The following ABLIM1 variants were observed in gnomAD, a reference collection of about 807,000 sequenced individuals.
ABLIM1 encodes actin-binding LIM protein 1.
Under a neutral mutation model 107.0 loss-of-function variants are expected in ABLIM1, and 40 were observed. The ratio of observed to expected loss-of-function variants is 0.37; its 90% CI spans 0.29 to 0.49. The LOEUF (loss-of-function observed/expected upper bound fraction) is 0.49. Ranked by LOEUF, ABLIM1 falls within the 20% of genes least tolerant of loss-of-function variation. The pLI, the probability that ABLIM1 is intolerant of heterozygous loss-of-function variation, is 0.97. For missense variants in ABLIM1, 857 were observed against 1,008.5 expected (o/e 0.85, Z 2.04); for synonymous variants, 357 against 357.3 (o/e 1.00, Z 0.01).
chr10:114,542,531 G>A (rs1164819735), intron 6 of ABLIM1, among the ~76,000 whole-genome samples: 1 of 151,504 alleles, frequency 6.6e-6, no homozygotes, highest in Non-Finnish European at 1.5e-5. Context: ...AAGAAAGGAA[G>A]AAGGAGGAGG....
intron 4 of ABLIM1, among the ~76,000 whole-genome samples, chr10:114,553,384 C>T (rs144356807): frequency 0.011 from 1,709 of 152,264 alleles, 17 homozygotes; most frequent in South Asian, 0.029. Context: ...CTAAAACCTC[C>T]GAGGTGAGAA....
chr10:114,568,500 G>A (rs1172326238), intron 4 of ABLIM1, among the ~76,000 whole-genome samples: 1 of 152,182 alleles, frequency 6.6e-6, no homozygotes. Context: ...GCAAACAAGT[G>A]TTTTCTAATT....
chr10:114,439,326 A>G (rs2059874928), intron 20 of ABLIM1, 76 bp from the exon 21 acceptor site: 1 of 1,458,710 alleles, frequency 6.9e-7, no homozygotes, highest in Non-Finnish European at 9.6e-7. Flanking sequence ...TGGGCTCCCA[A>G]TTCCCTGTTG....
rs140256636 is a variant in ABLIM1, at chr10:114,490,974, A to ATGTGTGTGTGTGTGTG, written c.982+801_982+816dup. Among the ~76,000 whole-genome samples the ATGTGTGTGTGTGTGTG allele has an allele frequency of 2.0e-4, 20 of 99,228 alleles. 1 individual carries two copies. Among genetic ancestry groups the ATGTGTGTGTGTGTGTG allele is most frequent in the African/African-American group, 5.1e-4 (13 of 25,444 alleles). 65.1% of individuals were successfully genotyped at this position (99,228 alleles called of 152,430 possible). On this transcript the variant is annotated intron_variant, in intron 7 of 22. Coordinates refer to ENST00000533213, the MANE Select transcript of ABLIM1 (RefSeq NM_002313.7). ...GTGAGCCACCACGCCCGGCATATAT[A>ATGTGTGTGTGTGTGTG]TGTGTGTGTGTGTGTGTGTGTGTGT...
At chr10:114,536,487 A>T (rs1368872824) in intron 6 of ABLIM1, among the ~76,000 whole-genome samples, 3 of 151,784 alleles carry the variant, frequency 2.0e-5, no homozygotes, top group African/African-American at 7.3e-5. Flanking sequence ...ACCTCAGGTG[A>T]TCTGCCCACC....
rs145500850 is a variant in ABLIM1, at chr10:114,761,856, G to A, written c.-213+6205C>T. Among the ~76,000 whole-genome samples, 57 of 152,186 alleles carry A rather than the reference G, an allele frequency of 3.7e-4. 1 individual carries two copies. Among genetic ancestry groups the A allele is most frequent in the South Asian group, 1.2e-3 (6 of 4,820 alleles). On this transcript the variant is annotated intron_variant, in intron 1 of 15. Coordinates refer to the ABLIM1 transcript ENST00000651092. Reference sequence around the variant, plus strand: ...ATCCTATTCTTTTTTACCTGGCTAAGTCCAACTCATTCTTCAAGAAAACAA... The same window carrying A: ...ATCCTATTCTTTTTTACCTGGCTAAATCCAACTCATTCTTCAAGAAAACAA...
chr10:114,747,771 G>T (rs1436792613), intron 1 of ABLIM1, among the ~76,000 whole-genome samples: 9 of 152,214 alleles, frequency 5.9e-5, no homozygotes. Context: ...TGGGCACGAT[G>T]GCTCACGCCT....
chr10:114,598,361 C>T (rs536787167), intron 2 of ABLIM1, among the ~76,000 whole-genome samples: 2 of 149,440 alleles, frequency 1.3e-5, no homozygotes, highest in South Asian at 4.2e-4. Context: ...CCAAGGCAGG[C>T]GGATCACAAG....
chr10:114,483,669 A>G (rs1310361200), intron 8 of ABLIM1, among the ~76,000 whole-genome samples: 1 of 152,160 alleles, frequency 6.6e-6, no homozygotes, highest in African/African-American at 2.4e-5. Flanking sequence ...TGTCTTTTCC[A>G]TCGTGCAAAG....
chr10:114,783,317 TAA>T, the ABLIM1 span, among the ~76,000 whole-genome samples: 1 of 151,252 alleles, frequency 6.6e-6, no homozygotes, highest in African/African-American at 2.4e-5. Flanking sequence ...CTAAAAAAAA[TAA>T]AAGAGAGAGA....
chr10:114,437,321 CTTTT>C (rs1314987276), intron 22 of ABLIM1, among the ~76,000 whole-genome samples: 2 of 134,574 alleles, frequency 1.5e-5, no homozygotes, highest in Admixed American at 7.4e-5. Flanking sequence ...TTCTTTCTTT[CTTTT>C]TTTTTTTTTT....
At chr10:114,716,305 C>T (rs1431015460) in intron 1 of ABLIM1, among the ~76,000 whole-genome samples, 1 of 152,086 alleles carries the variant, frequency 6.6e-6, no homozygotes, top group Non-Finnish European at 1.5e-5. Context: ...AGTGTTTCTG[C>T]AGCTCTGGTT....
the ABLIM1 span, among the ~76,000 whole-genome samples, chr10:114,776,469 C>T: frequency 4.0e-4 from 61 of 151,990 alleles, no homozygotes; most frequent in Non-Finnish European, 7.1e-4. Flanking sequence ...AAAAATTAGC[C>T]GGGTGTGGTG....
rs1250961083 is a variant in ABLIM1 at position 114,752,900 on chromosome 10, T to C, written c.-213+15161A>G. 2.0e-5 allele frequency among the ~76,000 whole-genome samples: 3 copies of C among 152,240 alleles called. No homozygotes were observed. The East Asian group carries it at 5.8e-4, about 29-fold the overall frequency. ...ATTGTGAATAGTGCTGCAATGAATA[T>C]ATGCGTGCAACAGATTTCATTTTTT... is the stretch of plus-strand genomic sequence containing the variant. On this transcript the variant is annotated intron_variant, in intron 1 of 15. Transcript: ENST00000651092.
intron 1 of ABLIM1, among the ~76,000 whole-genome samples, chr10:114,726,341 T>A (rs1472480158): frequency 1.3e-5 from 2 of 152,212 alleles, no homozygotes; most frequent in African/African-American, 2.4e-5. Flanking sequence ...AGAAAAAATA[T>A]TAGTTGGCCC....
chr10:114,508,637 C>T (rs554814191), intron 6 of ABLIM1, among the ~76,000 whole-genome samples: 1 of 152,220 alleles, frequency 6.6e-6, no homozygotes, highest in South Asian at 2.1e-4. Context: ...TGCAATGAGC[C>T]ATGATCTCTC....
chr10:114,763,753 G>A (rs1158205972), intron 1 of ABLIM1, among the ~76,000 whole-genome samples: 5 of 152,040 alleles, frequency 3.3e-5, no homozygotes, highest in East Asian at 1.9e-4. Flanking sequence ...ATCCAGACCC[G>A]GCATTAGAGA....
the ABLIM1 span, among the ~76,000 whole-genome samples, chr10:114,781,680 AT>A: frequency 8.1e-5 from 12 of 148,026 alleles, no homozygotes; most frequent in African/African-American, 3.0e-4. Context: ...ATATATATAT[AT>A]ATATATAATT....
At chr10:114,447,752 C>A in intron 15 of ABLIM1, 128 bp downstream of exon 15, 1 of 1,317,574 alleles carries the variant, frequency 7.6e-7, no homozygotes, top group Non-Finnish European at 1.0e-6. Context: ...TTTCACTATG[C>A]TACCTCTTGG....
Sources: gnomAD v4.1 joint callset for allele counts (sites outside exome capture counted in the v4.1 genomes callset) on GRCh38, gnomAD v4.1.1 for gene constraint, MANE v1.5 for transcripts, NCBI Gene and HGNC (gene_info 2026-07-23, HGNC 2026-07-21) for gene names.